The following SPOCK1 variants were observed in gnomAD, a reference collection of about 807,000 sequenced individuals.
SPOCK1 encodes testican-1.
A neutral mutation model predicts 55.3 loss-of-function variants in SPOCK1; 23 were observed. The ratio of observed to expected loss-of-function variants is 0.42; its 90% CI spans 0.30 to 0.59. SPOCK1 has a LOEUF of 0.59. SPOCK1 is among the 20% of genes least tolerant of loss of function. The pLI is 0.22. For missense variants in SPOCK1, 499 were observed against 552.5 expected (o/e 0.90, Z 0.97); for synonymous variants, 226 against 221.0 (o/e 1.02, Z -0.20).
chr5:137,131,694 C>T lies in SPOCK1; in HGVS notation c.347+8886G>A, dbSNP rs953047492. On this transcript the variant is annotated intron_variant, in intron 4 of 10. Coordinates refer to ENST00000394945, the MANE Select transcript of SPOCK1 (RefSeq NM_004598.4). ...TGAATACTAAAAAATATCTCCCCCC[C>T]GGGTGTGGTAGCTCACGCCTGTAAT... is the stretch of plus-strand genomic sequence containing the variant. 3.3e-5 allele frequency among the ~76,000 whole-genome samples: 5 copies of T among 151,310 alleles called. 1 individual carries two copies. The South Asian group carries it at 6.3e-4, about 19-fold the overall frequency.
At chr5:137,162,675 C>A (rs1361972245) in intron 3 of SPOCK1, among the ~76,000 whole-genome samples, 1 of 152,104 alleles carries the variant, frequency 6.6e-6, no homozygotes, top group East Asian at 1.9e-4. Flanking sequence ...AATTATGTGG[C>A]CCAAATGTCT....
intron 3 of SPOCK1, among the ~76,000 whole-genome samples, chr5:137,153,857 C>CA (rs1276772178): frequency 2.2e-5 from 3 of 135,098 alleles, no homozygotes; most frequent in East Asian, 2.3e-4. Flanking sequence ...GATTCTGTCT[C>CA]AAAAAAACAA....
intron 7 of SPOCK1, 25 bp from the exon 8 acceptor site, chr5:136,988,668 G>A: frequency 6.3e-7 from 1 of 1,597,328 alleles, no homozygotes; most frequent in Non-Finnish European, 8.6e-7. Flanking sequence ...GCATATCTCA[G>A]CTGCCACCAA....
intron 5 of SPOCK1, among the ~76,000 whole-genome samples, chr5:137,083,534 T>A (rs530148076): frequency 6.6e-6 from 1 of 152,310 alleles, no homozygotes; most frequent in South Asian, 2.1e-4. Flanking sequence ...GGCTAGGCAG[T>A]GCTCTGGTTG....
At chr5:137,335,011 G>A (rs750051447) in intron 2 of SPOCK1, among the ~76,000 whole-genome samples, 6 of 152,312 alleles carry the variant, frequency 3.9e-5, no homozygotes, top group Middle Eastern at 3.4e-3. Context: ...GTCCACAGAC[G>A]GCACATTTAC....
intron 2 of SPOCK1, among the ~76,000 whole-genome samples, chr5:137,287,188 G>T (rs1394710499): frequency 6.6e-6 from 1 of 152,154 alleles, no homozygotes; most frequent in Non-Finnish European, 1.5e-5. Context: ...TCCCCACTTG[G>T]CTGCCATGGT....
rs574015761 is a variant in SPOCK1, at chr5:137,096,523, G to A, written c.474+15912C>T. Among the ~76,000 whole-genome samples, 15 of 152,188 alleles carry A rather than the reference G, an allele frequency of 9.9e-5. No homozygotes were observed. In the South Asian group the frequency reaches 2.9e-3, roughly 30 times the overall value. On this transcript the variant is annotated intron_variant, in intron 5 of 10. Coordinates refer to ENST00000394945, the MANE Select transcript of SPOCK1 (RefSeq NM_004598.4). Reference sequence around the variant, plus strand: ...AAAATCAGGAGTTTGGGAAAGAAACGGTCCACTCAAAGGGAGAAATTAACG... The same window carrying A: ...AAAATCAGGAGTTTGGGAAAGAAACAGTCCACTCAAAGGGAGAAATTAACG...
At chr5:137,229,638 C>T (rs1487476677) in intron 3 of SPOCK1, among the ~76,000 whole-genome samples, 2 of 152,188 alleles carry the variant, frequency 1.3e-5, no homozygotes, top group Non-Finnish European at 2.9e-5. Flanking sequence ...GCAGCCTTGT[C>T]ACTGTGCTGT....
intron 2 of SPOCK1, chr5:137,273,413 AAAAAT>A (rs1367762070): frequency 2.0e-6 from 2 of 979,654 alleles, no homozygotes; most frequent in Non-Finnish European, 2.4e-6. Context: ...TAAATGAGAA[AAAAAT>A]AAAAGAATCA....
rs561454959 is a variant in SPOCK1 at position 137,419,900 on chromosome 5, C to G, written c.186+78473G>C. Among the ~76,000 whole-genome samples, 4 of 152,230 alleles carry G rather than the reference C, an allele frequency of 2.6e-5. No individual in the cohort carries two copies. In the East Asian group the frequency reaches 7.7e-4, roughly 29 times the overall value. On this transcript the variant is annotated intron_variant, in intron 2 of 10. Coordinates refer to ENST00000394945, the MANE Select transcript of SPOCK1 (RefSeq NM_004598.4). ...GTGCCAGTTTTCAAAGGGAATGTTTCCAGTTTTTGCCCATTCAGTATGATA... is the reference window on the plus strand; with the variant it reads ...GTGCCAGTTTTCAAAGGGAATGTTTGCAGTTTTTGCCCATTCAGTATGATA...
intron 4 of SPOCK1, among the ~76,000 whole-genome samples, chr5:137,132,706 A>C (rs1753908194): frequency 6.6e-6 from 1 of 152,234 alleles, no homozygotes; most frequent in African/African-American, 2.4e-5. Context: ...CCTACAGATA[A>C]AACATGGCTC....
chr5:137,275,449 TG>T (rs1463601591), intron 2 of SPOCK1, among the ~76,000 whole-genome samples: 1 of 152,190 alleles, frequency 6.6e-6, no homozygotes, highest in East Asian at 1.9e-4. Flanking sequence ...GGCTGATGGC[TG>T]GGGATGCTGT....
intron 7 of SPOCK1, among the ~76,000 whole-genome samples, chr5:136,990,352 T>C (rs1286355031): frequency 4.0e-5 from 6 of 151,508 alleles, no homozygotes; most frequent in Admixed American, 1.3e-4. Flanking sequence ...AATCAAACTA[T>C]AGGCTCCCTG....
At chr5:137,156,118 G>C (rs952817937) in intron 3 of SPOCK1, among the ~76,000 whole-genome samples, 2 of 152,170 alleles carry the variant, frequency 1.3e-5, no homozygotes, top group African/African-American at 4.8e-5. Flanking sequence ...GGGGCCCCTG[G>C]GGTGCATTCC....
At chr5:137,236,382 C>T (rs55889867) in intron 3 of SPOCK1, among the ~76,000 whole-genome samples, 101 of 152,346 alleles carry the variant, frequency 6.6e-4, no homozygotes, top group Non-Finnish European at 8.5e-4. Context: ...TTTCACACAG[C>T]CACACCCCAA....
At chr5:137,312,592 A>C (rs558197673) in intron 2 of SPOCK1, among the ~76,000 whole-genome samples, 1 of 152,258 alleles carries the variant, frequency 6.6e-6, no homozygotes, top group African/African-American at 2.4e-5. Context: ...TATTCCAAGA[A>C]GTGCCAATGC....
rs1477001626 is a variant in SPOCK1, at chr5:136,976,669, A to G, written c.*1985T>C. ...AAATTATCTCAGTTTTGTTCAAGAG[A>G]GAAAAAAAATATTGAAACAAAGGTG... On this transcript the variant is annotated 3_prime_UTR_variant, in exon 11 of 11. Transcript: ENST00000394945. 1 of 152,602 alleles carries G rather than the reference A, an allele frequency of 6.6e-6. No homozygotes were observed. The highest frequency in any genetic ancestry group is 2.4e-5 in the African/African-American group (1 of 41,450). 9.5% of individuals were successfully genotyped at this position (152,602 alleles called of 1,614,324 possible).
At chr5:137,136,970 C>CT (rs1285846763) in intron 4 of SPOCK1, among the ~76,000 whole-genome samples, 1 of 152,228 alleles carries the variant, frequency 6.6e-6, no homozygotes, top group African/African-American at 2.4e-5. Context: ...GGAGGGCTGG[C>CT]TGCCTTGCTT....
chr5:137,075,651 A>G (rs1752742629), intron 5 of SPOCK1, among the ~76,000 whole-genome samples: 3 of 152,194 alleles, frequency 2.0e-5, no homozygotes. Flanking sequence ...TTGGTTTTAG[A>G]GGCAAGGCTG....
Sources: gnomAD v4.1 joint callset for allele counts (sites outside exome capture counted in the v4.1 genomes callset) on GRCh38, gnomAD v4.1.1 for gene constraint, MANE v1.5 for transcripts, NCBI Gene and HGNC (gene_info 2026-07-23, HGNC 2026-07-21) for gene names.